Variants in LAMC1 observed in about 807,000 individuals in gnomAD.
LAMC1 encodes the protein laminin subunit gamma-1.
LAMC1 carries 38 observed loss-of-function variants against 173.6 expected under a neutral mutation model. That is an observed-to-expected ratio of 0.22 (90% confidence interval 0.17 to 0.29). The LOEUF (loss-of-function observed/expected upper bound fraction) is 0.29. Ranked by LOEUF, LAMC1 falls within the 10% of genes least tolerant of loss-of-function variation. The pLI is 1.00. For missense variants in LAMC1, 1,824 were observed against 2,051.8 expected (o/e 0.89, Z 2.14); for synonymous variants, 746 against 749.1 (o/e 1.00, Z 0.07).
At chr1:183,129,248 G>A (rs74800791) in intron 18 of LAMC1, among the ~76,000 whole-genome samples, 24 of 31,564 alleles carry the variant, frequency 7.6e-4, no homozygotes, top group Non-Finnish European at 1.5e-3. Flanking sequence ...CACCATGCCC[G>A]GGGTAATTTT....
rs1656047679 is a variant in LAMC1, at chr1:183,108,316, G to A, written c.764G>A (p.Arg255His). The A allele has an allele frequency of 2.5e-6, 4 of 1,613,092 alleles. No individual in the cohort carries two copies. The highest frequency in any genetic ancestry group is 2.5e-6 in the Non-Finnish European group (3 of 1,179,316). Residue 255 changes from arginine to histidine, a missense_variant, in exon 3 of 28, where the codon CGC becomes CAC. Arg to His is a conservative substitution (Grantham distance 29). Transcript: ENST00000258341. ...TATDIRVTLN[R>H]LNTFGDEVFN... ...ACTGACATCAGAGTAACTCTTAATCGCCTGAACACTTTTGGAGATGAAGTG... is the reference window on the plus strand; with the variant it reads ...ACTGACATCAGAGTAACTCTTAATCACCTGAACACTTTTGGAGATGAAGTG...
intron 1 of LAMC1, among the ~76,000 whole-genome samples, chr1:183,027,671 T>C (rs1389579551): frequency 6.6e-6 from 1 of 152,172 alleles, no homozygotes; most frequent in Non-Finnish European, 1.5e-5. Context: ...TAGGAACCAA[T>C]AGTGATTAAA....
rs550859849 is a variant in LAMC1 at position 183,130,490 on chromosome 1, C to T, written c.3427C>T (p.Arg1143Trp). Residue 1143 changes from arginine to tryptophan, a missense_variant, in exon 19 of 28, where the codon CGG (arginine) becomes TGG (tryptophan). Transcript: ENST00000258341. ...GCGTGCCCATGTAGAGAACACAGAG[C>T]GGTTGATTGAAATCGCATCCAGAGA... ...QARAHVENTE[R>W]LIEIASRELE... 91 of 1,614,016 alleles carry T rather than the reference C, an allele frequency of 5.6e-5. No homozygotes were observed. The South Asian group carries it at 9.2e-4, about 16-fold the overall frequency.
At chr1:183,130,234 G>A (rs1656743521) in intron 18 of LAMC1, 110 bp from the exon 19 acceptor site, 2 of 939,158 alleles carry the variant, frequency 2.1e-6, no homozygotes, top group African/African-American at 3.3e-5. Context: ...AAACCTGGCA[G>A]AAAGTTGCGA....
At chr1:183,122,022 T>G (rs1455248333) in intron 12 of LAMC1, 41 bp from the exon 13 acceptor site, 4 of 1,609,292 alleles carry the variant, frequency 2.5e-6, no homozygotes, top group South Asian at 1.1e-5. Flanking sequence ...TCTTATATAC[T>G]TGTACATTTG....
chr1:183,109,610 A>G (rs1371821365), intron 3 of LAMC1, among the ~76,000 whole-genome samples: 1 of 152,194 alleles, frequency 6.6e-6, no homozygotes, highest in Admixed American at 6.5e-5. Context: ...GTCAAGGATA[A>G]GAGCTTGAGA....
chr1:183,087,734 C>T (rs917109412), intron 1 of LAMC1, among the ~76,000 whole-genome samples: 1 of 152,062 alleles, frequency 6.6e-6, no homozygotes, highest in Non-Finnish European at 1.5e-5. Context: ...GCTTCTTTCC[C>T]TCTTGGGGGA....
At chr1:183,140,584 A>G in intron 27 of LAMC1, 81 bp downstream of exon 27, 1 of 730,832 alleles carries the variant, frequency 1.4e-6, no homozygotes, top group Non-Finnish European at 2.2e-6. Flanking sequence ...CAGTTGACTC[A>G]AAAGCAGATG....
chr1:183,136,480 A>G lies in LAMC1; in HGVS notation c.4209A>G (p.Glu1403=). Residue 1403 remains glutamate (E), a synonymous_variant, in exon 25 of 28, where the codon GAA becomes GAG. Coordinates refer to ENST00000258341, the MANE Select transcript of LAMC1 (RefSeq NM_002293.4). ...ACCAGACCATCACTGAAGCCAATGA[A>G]AAGACCAGAGAAGCCCAGCAGGCCC... The part of the protein sequence containing the change: ...AINQTITEAN[E]KTREAQQALG... The G allele has an allele frequency of 1.2e-6, 2 of 1,614,242 alleles. No homozygotes were observed. Among genetic ancestry groups the G allele is most frequent in the South Asian group, 1.1e-5 (1 of 91,088 alleles).
At chr1:183,131,783 ATG>A (rs1656803442) in intron 20 of LAMC1, among the ~76,000 whole-genome samples, 1 of 152,242 alleles carries the variant, frequency 6.6e-6, no homozygotes, top group Non-Finnish European at 1.5e-5. Flanking sequence ...ACAATTTTAT[ATG>A]TACATTACTC....
chr1:183,114,621 A>G lies in LAMC1; in HGVS notation c.1112A>G (p.Gln371Arg). 1 of 1,614,226 alleles carries G rather than the reference A, an allele frequency of 6.2e-7. No individual in the cohort carries two copies. Among genetic ancestry groups the G allele is most frequent in the South Asian group, 1.1e-5 (1 of 91,084 alleles). Residue 371 changes from glutamine (Q) to arginine (R), a missense_variant, in exon 5 of 28, where the codon CAG (glutamine) becomes CGG (arginine). By Grantham distance (43) the Gln-to-Arg change is conservative. Transcript: ENST00000258341. Reference sequence around the variant, plus strand: ...CATGGGGGCCACTGTACCAACTGCCAGGATAACACAGATGGCGCCCACTGT... The same window carrying G: ...CATGGGGGCCACTGTACCAACTGCCGGGATAACACAGATGGCGCCCACTGT... Reference protein sequence around the residue: ...TGHGGHCTNCQDNTDGAHCER... With the variant: ...TGHGGHCTNCRDNTDGAHCER...
chr1:183,137,398 CAAT>C (rs1656975384), intron 25 of LAMC1, among the ~76,000 whole-genome samples: 1 of 151,878 alleles, frequency 6.6e-6, no homozygotes, highest in African/African-American at 2.4e-5. Context: ...CTAAAAATAG[CAAT>C]AATAGAACAG....
chr1:183,104,574 A>G (rs754007235), intron 2 of LAMC1, among the ~76,000 whole-genome samples: 2 of 152,200 alleles, frequency 1.3e-5, no homozygotes, highest in Non-Finnish European at 2.9e-5. Context: ...ATGAAAAGCT[A>G]TTGTGATTTC....
chr1:183,139,987 G>T (rs1009193415), intron 26 of LAMC1, among the ~76,000 whole-genome samples: 1 of 152,152 alleles, frequency 6.6e-6, no homozygotes, highest in Non-Finnish European at 1.5e-5. Context: ...AAGTCCCTAA[G>T]AGTGTCCTGA....
chr1:183,105,130 C>T (rs542832330), intron 2 of LAMC1, among the ~76,000 whole-genome samples: 47 of 138,112 alleles, frequency 3.4e-4, no homozygotes, highest in Middle Eastern at 4.2e-3. Flanking sequence ...GAGGCTGAGG[C>T]GGGAGAATCA....
intron 1 of LAMC1, among the ~76,000 whole-genome samples, chr1:183,039,526 A>G (rs1002894237): frequency 6.6e-6 from 1 of 152,212 alleles, no homozygotes. Context: ...TGCAGCTGTA[A>G]TAAAATTTGT....
At chr1:183,100,146 G>C (rs869133) in intron 1 of LAMC1, among the ~76,000 whole-genome samples, 5,404 of 152,126 alleles carry the variant, frequency 0.036, 258 homozygotes, top group East Asian at 0.23. Flanking sequence ...AGTTACTATT[G>C]AAAACGGCTT....
intron 26 of LAMC1, 55 bp from the exon 27 acceptor site, chr1:183,140,349 T>C: frequency 1.9e-6 from 2 of 1,071,434 alleles, no homozygotes; most frequent in Non-Finnish European, 2.7e-6. Context: ...GAAAAAAGAT[T>C]TAAAGAAGAT....
At chr1:183,119,132 G>A (rs1406025480) in intron 11 of LAMC1, among the ~76,000 whole-genome samples, 4 of 151,996 alleles carry the variant, frequency 2.6e-5, no homozygotes, top group Non-Finnish European at 4.4e-5. Flanking sequence ...CCTGACCTCA[G>A]GTGATCCCCC....
Sources: gnomAD v4.1 joint callset for allele counts (sites outside exome capture counted in the v4.1 genomes callset) on GRCh38, gnomAD v4.1.1 for gene constraint, MANE v1.5 for transcripts, NCBI Gene and HGNC (gene_info 2026-07-23, HGNC 2026-07-21) for gene names.